CNTLN: variants seen among roughly 807,000 people sequenced by gnomAD.
CNTLN encodes centlein, centrosomal protein.
CNTLN carries 212 observed loss-of-function variants against 180.0 expected under a neutral mutation model. The ratio of observed to expected loss-of-function variants is 1.18; its 90% CI spans 1.05 to 1.32. CNTLN has a LOEUF of 1.32. CNTLN is among the 40% of genes most tolerant of loss of function. The pLI is 0.00. For missense variants in CNTLN, 2,095 were observed against 1,610.9 expected (o/e 1.30, Z -5.14); for synonymous variants, 722 against 563.1 (o/e 1.28, Z -3.99).
At chr9:17,401,916 A>C (rs1042487157) in intron 15 of CNTLN, among the ~76,000 whole-genome samples, 5 of 72,412 alleles carry the variant, frequency 6.9e-5, no homozygotes, top group Non-Finnish European at 2.3e-4. Flanking sequence ...AAGAAGGTAA[A>C]GGACTAATAT....
chr9:17,218,334 T>C (rs1166934606), intron 2 of CNTLN, among the ~76,000 whole-genome samples: 1 of 152,186 alleles, frequency 6.6e-6, no homozygotes, highest in East Asian at 1.9e-4. Flanking sequence ...TTCCACATAT[T>C]AAAGTTTTCT....
At chr9:17,232,508 A>AC (rs1236453550) in intron 3 of CNTLN, among the ~76,000 whole-genome samples, 1 of 151,748 alleles carries the variant, frequency 6.6e-6, no homozygotes, top group Non-Finnish European at 1.5e-5. Context: ...TAATGGGAAA[A>AC]CTCTTTTAAA....
chr9:17,446,406 T>C (rs1830430000), intron 18 of CNTLN, among the ~76,000 whole-genome samples: 1 of 152,214 alleles, frequency 6.6e-6, no homozygotes, highest in Admixed American at 6.5e-5. Context: ...GAAACATATG[T>C]CTTTCGCTAG....
chr9:17,232,147 T>A (rs1824852587), intron 3 of CNTLN, among the ~76,000 whole-genome samples: 1 of 152,070 alleles, frequency 6.6e-6, no homozygotes, highest in South Asian at 2.1e-4. Context: ...GAGGGTATAT[T>A]TTATTAGGAA....
At chr9:17,370,967 T>A (rs1824270099) in intron 13 of CNTLN, among the ~76,000 whole-genome samples, 1 of 150,660 alleles carries the variant, frequency 6.6e-6, no homozygotes, top group Non-Finnish European at 1.5e-5. Flanking sequence ...ACGCAAAAAA[T>A]AAAAAGAAAG....
chr9:17,519,978 T>G, the CNTLN span, among the ~76,000 whole-genome samples: 2 of 151,978 alleles, frequency 1.3e-5, no homozygotes, highest in African/African-American at 2.4e-5. Flanking sequence ...TCTCAGAGAG[T>G]GCAGGAGAGG....
At chr9:17,439,897 C>G (rs983544877) in intron 18 of CNTLN, among the ~76,000 whole-genome samples, 5 of 152,214 alleles carry the variant, frequency 3.3e-5, no homozygotes, top group East Asian at 1.9e-4. Context: ...ACAACTTAAT[C>G]TTGGACTTCC....
rs1053848680 is a variant in CNTLN, at chr9:17,268,792, T to G, written c.850-4941T>G. Reference sequence around the variant, plus strand: ...GCCACCTTGCAGTTTGGTCTCAGACTGCTGTGCTAGCAATCAGCGAGACTC... The same window carrying G: ...GCCACCTTGCAGTTTGGTCTCAGACGGCTGTGCTAGCAATCAGCGAGACTC... On this transcript the variant is annotated intron_variant, in intron 5 of 25. Transcript: ENST00000380647. Among the ~76,000 whole-genome samples the G allele has an allele frequency of 2.0e-5, 3 of 151,962 alleles. No individual in the cohort carries two copies. In the South Asian group the frequency reaches 6.3e-4, roughly 32 times the overall value.
At chr9:17,504,752 A>G (rs1380620872), downstream of CNTLN, among the ~76,000 whole-genome samples, 1 of 152,180 alleles carries the variant, frequency 6.6e-6, no homozygotes, top group Non-Finnish European at 1.5e-5. Context: ...GCCATGAGCC[A>G]AAGGATGTGG....
intron 5 of CNTLN, among the ~76,000 whole-genome samples, chr9:17,240,400 C>A (rs546250643): frequency 6.6e-6 from 1 of 152,054 alleles, no homozygotes; most frequent in South Asian, 2.1e-4. Context: ...ATGACAGCTG[C>A]AAGTAGACAT....
chr9:17,291,688 C>G (rs572283147), intron 6 of CNTLN, among the ~76,000 whole-genome samples: 1 of 152,216 alleles, frequency 6.6e-6, no homozygotes, highest in African/African-American at 2.4e-5. Flanking sequence ...TTATTTTGAG[C>G]CTATGTGTGT....
At chr9:17,393,378 A>C (rs147793879) in intron 14 of CNTLN, among the ~76,000 whole-genome samples, 18 of 152,328 alleles carry the variant, frequency 1.2e-4, no homozygotes, top group Non-Finnish European at 2.5e-4. Flanking sequence ...AGTAAAAATG[A>C]GTTCATATAC....
chr9:17,400,447 T>C (rs74687357), intron 15 of CNTLN, among the ~76,000 whole-genome samples: 37 of 152,268 alleles, frequency 2.4e-4, no homozygotes, highest in East Asian at 1.9e-3. Context: ...AACTGTACCA[T>C]TATTTAGAGT....
In CNTLN at chr9:17,502,747, A is replaced by G; in HGVS notation, c.*95A>G. On this transcript the variant is annotated 3_prime_UTR_variant, in exon 26 of 26. Coordinates refer to ENST00000380647, the MANE Select transcript of CNTLN (RefSeq NM_017738.4). The stretch of plus-strand genomic sequence containing the variant: ...CAATCCTGACACGGTATCTGCTCCA[A>G]CTATCAATAGTCAGGTTCAATACCA... 1 of 473,830 alleles carries G rather than the reference A, an allele frequency of 2.1e-6. No homozygotes were observed. The highest frequency in any genetic ancestry group is 3.8e-6 in the Non-Finnish European group (1 of 264,078). The allele number at this position is 473,830 out of a possible 1,614,324, so 29.4% of individuals were successfully genotyped here. A position where few individuals can be genotyped will look rare whatever the true frequency, so the allele number is the denominator to read the frequency against.
chr9:17,430,251 GT>G (rs2133976141), intron 18 of CNTLN, among the ~76,000 whole-genome samples: 1 of 151,926 alleles, frequency 6.6e-6, no homozygotes, highest in African/African-American at 2.4e-5. Flanking sequence ...GTTCCAGTCC[GT>G]GTTATCATAG....
the CNTLN span, among the ~76,000 whole-genome samples, chr9:17,519,176 C>T: frequency 6.6e-6 from 1 of 151,514 alleles, no homozygotes; most frequent in African/African-American, 2.4e-5. Flanking sequence ...ATTCTGCCCA[C>T]CTCAGCCTCC....
chr9:17,237,627 G>C (rs1240238600), intron 5 of CNTLN, among the ~76,000 whole-genome samples: 2 of 152,058 alleles, frequency 1.3e-5, no homozygotes, highest in South Asian at 4.2e-4. Flanking sequence ...TAGGGTATTT[G>C]CAAATACTAT....
intron 14 of CNTLN, among the ~76,000 whole-genome samples, chr9:17,390,090 A>C (rs564706668): frequency 1.3e-5 from 2 of 152,178 alleles, no homozygotes; most frequent in East Asian, 3.8e-4. Context: ...TTGGACTTCT[A>C]GACTCCAGGA....
chr9:17,397,222 G>C (rs1319101381), intron 15 of CNTLN, among the ~76,000 whole-genome samples: 1 of 152,164 alleles, frequency 6.6e-6, no homozygotes, highest in African/African-American at 2.4e-5. Flanking sequence ...CCAAGAGAGG[G>C]TTCTTGGATC....
Sources: allele counts gnomAD v4.1 joint callset (sites outside exome capture counted in the v4.1 genomes callset), GRCh38; gene constraint gnomAD v4.1.1; transcripts MANE v1.5; gene names NCBI Gene and HGNC (gene_info 2026-07-23, HGNC 2026-07-21).